The following UGT8 variants were observed in gnomAD, a reference collection of about 807,000 sequenced individuals.
UGT8 encodes UDP glycosyltransferase 8, also known as 2-hydroxyacylsphingosine 1-beta-galactosyltransferase.
Under a neutral mutation model 40.5 loss-of-function variants are expected in UGT8, and 12 were observed. The ratio of observed to expected loss-of-function variants is 0.30; its 90% CI spans 0.19 to 0.48. UGT8 has a LOEUF of 0.48. Among genes scored for constraint, UGT8 ranks in the 20% least tolerant of loss-of-function variants. The pLI, the probability that UGT8 is intolerant of heterozygous loss-of-function variation, is 0.99. For synonymous variants in UGT8, 224 were observed against 240.4 expected (o/e 0.93, Z 0.63); for missense variants, 513 against 648.7 (o/e 0.79, Z 2.27).
chr4:114,639,048 C>G (rs1272672328), intron 2 of UGT8, among the ~76,000 whole-genome samples: 1 of 152,326 alleles, frequency 6.6e-6, no homozygotes, highest in African/African-American at 2.4e-5. Context: ...CTGCAAGAGA[C>G]TCCATTAGAT....
At chr4:114,609,309 TA>T (rs2126086972) in intron 1 of UGT8, among the ~76,000 whole-genome samples, 1 of 152,340 alleles carries the variant, frequency 6.6e-6, no homozygotes, top group Non-Finnish European at 1.5e-5. Context: ...AAAAGAGAGA[TA>T]AGCTAGGTAA....
intron 5 of UGT8, among the ~76,000 whole-genome samples, chr4:114,673,142 A>G (rs536652069): frequency 7.0e-6 from 1 of 143,614 alleles, no homozygotes; most frequent in South Asian, 2.4e-4. Flanking sequence ...ATCTCTTGGA[A>G]TAACTTAGAG....
intron 1 of UGT8, among the ~76,000 whole-genome samples, chr4:114,615,854 A>G (rs1439763995): frequency 6.6e-6 from 1 of 151,732 alleles, no homozygotes; most frequent in East Asian, 1.9e-4. Flanking sequence ...CTATATGCCA[A>G]ACTGAAGTAC....
intron 2 of UGT8, among the ~76,000 whole-genome samples, chr4:114,658,147 C>T (rs968397753): frequency 1.3e-5 from 2 of 152,058 alleles, no homozygotes; most frequent in Non-Finnish European, 2.9e-5. Flanking sequence ...TATCATTTTA[C>T]CTACTAAATT....
At chr4:114,615,213 T>C (rs116768363) in intron 1 of UGT8, among the ~76,000 whole-genome samples, 89 of 152,272 alleles carry the variant, frequency 5.8e-4, no homozygotes, top group African/African-American at 2.0e-3. Context: ...CAAGTTTTTA[T>C]ACTCTCAGTC....
intron 2 of UGT8, among the ~76,000 whole-genome samples, chr4:114,653,980 A>G (rs1488972715): frequency 1.3e-5 from 2 of 152,110 alleles, no homozygotes; most frequent in Non-Finnish European, 2.9e-5. Context: ...ATGAATATGC[A>G]TGCAGGTTAA....
intron 1 of UGT8, among the ~76,000 whole-genome samples, chr4:114,602,543 C>A (rs1045669475): frequency 2.6e-5 from 4 of 152,194 alleles, no homozygotes; most frequent in Non-Finnish European, 5.9e-5. Context: ...TTTTATTCAA[C>A]AAATATTTGT....
chr4:114,639,439 T>A (rs1462125487), intron 2 of UGT8, among the ~76,000 whole-genome samples: 1 of 152,208 alleles, frequency 6.6e-6, no homozygotes, highest in Admixed American at 6.5e-5. Context: ...TGGGATTATG[T>A]ATCCAGAAAG....
At position 114,654,980 on chromosome 4, in the gene UGT8, A is replaced by G. The variant is rs529355904; in HGVS notation, c.823-9015A>G. ...TTTTGCAATGGCTTTATAATTTTCA[A>G]GTATGACTGATAACTTATATTTCCC... On this transcript the variant is annotated intron_variant, in intron 2 of 5. Coordinates refer to ENST00000310836, the MANE Select transcript of UGT8 (RefSeq NM_001128174.3). Among the ~76,000 whole-genome samples, 6 of 152,194 alleles carry G rather than the reference A, an allele frequency of 3.9e-5. No homozygotes were observed. The South Asian group carries it at 1.2e-3, about 32-fold the overall frequency.
chr4:114,669,346 G>A (rs1445226754), intron 5 of UGT8, among the ~76,000 whole-genome samples: 1 of 150,674 alleles, frequency 6.6e-6, no homozygotes, highest in Non-Finnish European at 1.5e-5. Flanking sequence ...TTTCTTTAAA[G>A]GTGTGCTTTT....
intron 2 of UGT8, 32 bp from the exon 3 acceptor site, chr4:114,663,962 TC>T: frequency 6.2e-7 from 1 of 1,612,644 alleles, no homozygotes; most frequent in Non-Finnish European, 8.5e-7. Context: ...ACATTGGTCT[TC>T]GTAAAACTTA....
At chr4:114,614,840 CTTTTTT>C (rs68162513) in intron 1 of UGT8, among the ~76,000 whole-genome samples, 2 of 98,530 alleles carry the variant, frequency 2.0e-5, no homozygotes, top group Admixed American at 1.0e-4. Flanking sequence ...AGGTGCCAGA[CTTTTTT>C]TTTTTTTTTT....
At chr4:114,659,461 T>A (rs1459659434) in intron 2 of UGT8, among the ~76,000 whole-genome samples, 1 of 152,196 alleles carries the variant, frequency 6.6e-6, no homozygotes, top group African/African-American at 2.4e-5. Context: ...CAGTATTTGG[T>A]CCCTTATTGT....
chr4:114,641,122 AAAAGCT>A (rs113805356), intron 2 of UGT8, among the ~76,000 whole-genome samples: 2 of 152,374 alleles, frequency 1.3e-5, no homozygotes, highest in East Asian at 1.9e-4. Context: ...TAGCCTTAAG[AAAAGCT>A]AAAGCTAAAG....
At position 114,623,249 on chromosome 4, in the gene UGT8, G is replaced by A; in HGVS notation, c.369G>A (p.Leu123=). The A allele has an allele frequency of 6.2e-7, 1 of 1,614,170 alleles. No homozygotes were observed. Among genetic ancestry groups the A allele is most frequent in the East Asian group, 2.2e-5 (1 of 44,882 alleles). The part of the protein sequence containing the change: ...NCDLMVGNHA[L]IQGLKKEKFD... ...ACCTGATGGTTGGCAACCATGCCCT[G>A]ATCCAGGGTCTGAAGAAAGAAAAAT... The change falls in exon 2 of 6, where the codon CTG becomes CTA. Residue 123 remains leucine (L), a synonymous_variant. Coordinates refer to ENST00000310836, the MANE Select transcript of UGT8 (RefSeq NM_001128174.3).
At chr4:114,618,455 T>A (rs1408314770) in intron 1 of UGT8, among the ~76,000 whole-genome samples, 1 of 152,226 alleles carries the variant, frequency 6.6e-6, no homozygotes, top group Non-Finnish European at 1.5e-5. Flanking sequence ...GTCATTCCAC[T>A]GTAGCCCTGT....
intron 2 of UGT8, among the ~76,000 whole-genome samples, chr4:114,648,544 A>C (rs1733719639): frequency 6.6e-6 from 1 of 152,174 alleles, no homozygotes; most frequent in Non-Finnish European, 1.5e-5. Flanking sequence ...ATGGATTATA[A>C]TTAAATAAGA....
chr4:114,604,473 C>T (rs5861185), intron 1 of UGT8, among the ~76,000 whole-genome samples: 131,568 of 143,118 alleles, frequency 0.92, 60,618 homozygotes, highest in East Asian at 0.99. Flanking sequence ...TTTTTTTTTT[C>T]CCCCAATTAA....
chr4:114,636,990 C>T (rs1049134425), intron 2 of UGT8, among the ~76,000 whole-genome samples: 1 of 152,138 alleles, frequency 6.6e-6, no homozygotes, highest in Admixed American at 6.5e-5. Flanking sequence ...AACATATTAC[C>T]TTTCAAGCAG....
Sources: gnomAD v4.1 joint callset for allele counts (sites outside exome capture counted in the v4.1 genomes callset) on GRCh38, gnomAD v4.1.1 for gene constraint, MANE v1.5 for transcripts, NCBI Gene and HGNC (gene_info 2026-07-23, HGNC 2026-07-21) for gene names.